The following GPHN variants were observed in gnomAD, a reference collection of about 807,000 sequenced individuals.
The protein encoded by GPHN is gephyrin.
A neutral mutation model predicts 95.5 loss-of-function variants in GPHN; 17 were observed. That is an observed-to-expected ratio of 0.18 (90% CI 0.12 to 0.27). The LOEUF is 0.27. Among genes scored for constraint, GPHN ranks in the 10% least tolerant of loss-of-function variants. GPHN has a pLI of 1.00. For synonymous variants in GPHN, 320 were observed against 322.5 expected (o/e 0.99, Z 0.08); for missense variants, 660 against 978.1 (o/e 0.67, Z 4.34).
chr14:67,636,307 T>A, the GPHN span, among the ~76,000 whole-genome samples: 1 of 152,056 alleles, frequency 6.6e-6, no homozygotes, highest in Non-Finnish European at 1.5e-5. Context: ...TTACTCATCA[T>A]GTAATCATAT....
chr14:67,504,653 G>A, the GPHN span, among the ~76,000 whole-genome samples: 6 of 152,172 alleles, frequency 3.9e-5, no homozygotes, highest in Non-Finnish European at 7.3e-5. Flanking sequence ...TTGGGAGGCC[G>A]AGGTGGGTGG....
chr14:67,067,607 G>A (rs772469969), intron 11 of GPHN, among the ~76,000 whole-genome samples: 24 of 152,146 alleles, frequency 1.6e-4, no homozygotes, highest in Non-Finnish European at 2.2e-4. Context: ...GGTGAGCTCC[G>A]CCCAGTTCAA....
intron 1 of GPHN, among the ~76,000 whole-genome samples, chr14:66,545,545 T>G (rs1388370178): frequency 4.6e-5 from 5 of 109,810 alleles, no homozygotes; most frequent in African/African-American, 5.3e-5. Context: ...ACGGGGCGGC[T>G]GGCCGGGCGG....
intron 8 of GPHN, among the ~76,000 whole-genome samples, chr14:66,958,552 C>A (rs899577407): frequency 2.0e-5 from 3 of 152,152 alleles, no homozygotes; most frequent in African/African-American, 7.2e-5. Flanking sequence ...AATGGTATAG[C>A]CTGTTGTTCC....
At chr14:67,379,658 T>C in the GPHN span, among the ~76,000 whole-genome samples, 2 of 134,440 alleles carry the variant, frequency 1.5e-5, no homozygotes, top group African/African-American at 3.1e-5. Context: ...CTTTTTCTTT[T>C]TTTTTTTTTT....
chr14:66,584,814 A>G (rs1310356735), intron 1 of GPHN, among the ~76,000 whole-genome samples: 1 of 152,118 alleles, frequency 6.6e-6, no homozygotes, highest in Non-Finnish European at 1.5e-5. Flanking sequence ...GGATTTTTGC[A>G]TCAATGTTCA....
chr14:67,343,376 T>C, the GPHN span: 1 of 1,611,396 alleles, frequency 6.2e-7, no homozygotes, highest in Non-Finnish European at 8.5e-7. Flanking sequence ...ACTCACCATG[T>C]TCAATGGCAT....
chr14:67,520,005 G>C, the GPHN span, among the ~76,000 whole-genome samples: 1 of 151,878 alleles, frequency 6.6e-6, no homozygotes, highest in Non-Finnish European at 1.5e-5. Context: ...TCATAGGCGT[G>C]AGCCACCATG....
chr14:67,105,813 T>A (rs1204029768), intron 13 of GPHN, among the ~76,000 whole-genome samples: 3 of 152,152 alleles, frequency 2.0e-5, no homozygotes, highest in Non-Finnish European at 4.4e-5. Context: ...CTACGGAATT[T>A]AATCTATTTA....
chr14:66,646,659 C>T (rs7156135), intron 1 of GPHN, among the ~76,000 whole-genome samples: 47,118 of 151,992 alleles, frequency 0.31, 11,137 homozygotes, highest in African/African-American at 0.63. Flanking sequence ...ATTCCACTTA[C>T]ATGAGATATT....
chr14:67,520,083 A>G, the GPHN span, among the ~76,000 whole-genome samples: 2 of 152,084 alleles, frequency 1.3e-5, no homozygotes, highest in African/African-American at 4.8e-5. Flanking sequence ...AAGTACAGAG[A>G]TTTCCCATAG....
At chr14:66,848,891 G>C (rs2062454117) in intron 4 of GPHN, among the ~76,000 whole-genome samples, 1 of 151,676 alleles carries the variant, frequency 6.6e-6, no homozygotes, top group African/African-American at 2.4e-5. Context: ...TGCCCAACTG[G>C]GAGCACACCA....
At chr14:67,378,314 CTTTT>C in the GPHN span, among the ~76,000 whole-genome samples, 39 of 107,626 alleles carry the variant, frequency 3.6e-4, no homozygotes, top group African/African-American at 1.2e-3. Flanking sequence ...TCTCATGTGA[CTTTT>C]TTTTTTTTTT....
At chr14:67,323,322 T>C in the GPHN span, among the ~76,000 whole-genome samples, 1 of 151,204 alleles carries the variant, frequency 6.6e-6, no homozygotes, top group Non-Finnish European at 1.5e-5. Flanking sequence ...TTAAAAATAT[T>C]GTGAATTGGG....
At chr14:67,446,851 G>C in the GPHN span, among the ~76,000 whole-genome samples, 2 of 152,172 alleles carry the variant, frequency 1.3e-5, no homozygotes, top group East Asian at 1.9e-4. Context: ...GCTGCAGCCT[G>C]CTGCCTGTCT....
intron 9 of GPHN, among the ~76,000 whole-genome samples, chr14:67,008,118 T>C (rs2072728313): frequency 6.6e-6 from 1 of 152,148 alleles, no homozygotes; most frequent in African/African-American, 2.4e-5. Flanking sequence ...TTGGCTTCCT[T>C]TTAAACATCC....
intron 1 of GPHN, among the ~76,000 whole-genome samples, chr14:66,625,704 C>G (rs1167238396): frequency 6.6e-6 from 1 of 152,184 alleles, no homozygotes; most frequent in South Asian, 2.1e-4. Context: ...CTAATAAAAT[C>G]ACAGTGTGGT....
At chr14:67,350,730 T>C in the GPHN span, 4 of 1,550,460 alleles carry the variant, frequency 2.6e-6, no homozygotes, top group Non-Finnish European at 3.6e-6. Flanking sequence ...AACCAAGCCT[T>C]TTACAAGGAA....
At chr14:67,185,170 C>A (rs989212248), downstream of GPHN, among the ~76,000 whole-genome samples, 2 of 152,076 alleles carry the variant, frequency 1.3e-5, no homozygotes, top group African/African-American at 4.8e-5. Flanking sequence ...GTAGCATGAA[C>A]TGATAACAAA....
Sources: gnomAD v4.1 joint callset for allele counts (sites outside exome capture counted in the v4.1 genomes callset) on GRCh38, gnomAD v4.1.1 for gene constraint, MANE v1.5 for transcripts, NCBI Gene and HGNC (gene_info 2026-07-23, HGNC 2026-07-21) for gene names.